STPG2: variants seen among roughly 807,000 people sequenced by gnomAD.
STPG2 encodes the protein sperm tail PG-rich repeat containing 2.
STPG2 carries 56 observed loss-of-function variants against 54.2 expected under a neutral mutation model. The observed-to-expected ratio is 1.03, with a 90% CI of 0.83 to 1.29. STPG2 has a LOEUF of 1.29. Among genes scored for constraint, STPG2 ranks in the 50% most tolerant of loss-of-function variants. The pLI, the probability that STPG2 is intolerant of heterozygous loss-of-function variation, is 0.00. For missense variants in STPG2, 596 were observed against 544.9 expected (o/e 1.09, Z -0.93); for synonymous variants, 200 against 181.8 (o/e 1.10, Z -0.81).
intron 8 of STPG2, among the ~76,000 whole-genome samples, chr4:97,847,360 G>C (rs1344024345): frequency 6.6e-6 from 1 of 152,010 alleles, no homozygotes; most frequent in Non-Finnish European, 1.5e-5. Context: ...AAAGGAATGT[G>C]TTATTTTGAT....
intron 4 of STPG2, chr4:97,463,647 A>C (rs1485113690): frequency 6.6e-6 from 1 of 152,060 alleles, no homozygotes; most frequent in Admixed American, 6.6e-5. Context: ...ATGGAGTTTC[A>C]CCATGTTGGC....
chr4:97,704,871 A>T (rs575407026), intron 10 of STPG2, among the ~76,000 whole-genome samples: 21 of 152,320 alleles, frequency 1.4e-4, no homozygotes, highest in African/African-American at 5.0e-4. Context: ...AGAAACTGTC[A>T]TTCAATATTA....
chr4:97,822,571 T>C (rs1394746841), intron 9 of STPG2, among the ~76,000 whole-genome samples: 1 of 152,198 alleles, frequency 6.6e-6, no homozygotes, highest in Non-Finnish European at 1.5e-5. Flanking sequence ...GGGTAATACA[T>C]AAAAAGGCTT....
intron 10 of STPG2, among the ~76,000 whole-genome samples, chr4:97,611,853 AAG>A (rs1367216499): frequency 6.6e-6 from 1 of 151,906 alleles, no homozygotes; most frequent in African/African-American, 2.4e-5. Flanking sequence ...TAATATTAAA[AAG>A]AGGAGAAAAT....
At chr4:98,036,989 T>G (rs1361493247) in intron 5 of STPG2, among the ~76,000 whole-genome samples, 1 of 151,960 alleles carries the variant, frequency 6.6e-6, no homozygotes. Context: ...AAAATTAACT[T>G]TAAAAAATAG....
At chr4:98,040,272 T>C (rs1736909105) in intron 5 of STPG2, among the ~76,000 whole-genome samples, 1 of 151,922 alleles carries the variant, frequency 6.6e-6, no homozygotes, top group Non-Finnish European at 1.5e-5. Context: ...CTGCAAGTTG[T>C]CTGTTCACTC....
At chr4:97,592,897 C>G (rs770861032) in intron 10 of STPG2, among the ~76,000 whole-genome samples, 1 of 152,120 alleles carries the variant, frequency 6.6e-6, no homozygotes, top group Non-Finnish European at 1.5e-5. Context: ...AGGACTCCAG[C>G]CTCTGTAGAG....
At chr4:97,561,380 T>C (rs562262559) in intron 10 of STPG2, among the ~76,000 whole-genome samples, 8 of 152,354 alleles carry the variant, frequency 5.3e-5, no homozygotes, top group African/African-American at 1.9e-4. Context: ...GCGAAAATTT[T>C]CTCCCATTTT....
rs1739892270 is a variant in STPG2 at position 98,128,480 on chromosome 4, A to G, written c.335T>C (p.Phe112Ser). 3.7e-6 allele frequency: 6 copies of G among 1,613,668 alleles called. No homozygotes were observed. In the African/African-American group the frequency reaches 4.0e-5, roughly 11 times the overall value. The change falls in exon 3 of 11, where the codon TTT becomes TCT. Residue 112 changes from phenylalanine to serine, a missense_variant. Coordinates refer to ENST00000295268, the MANE Select transcript of STPG2 (RefSeq NM_174952.3). Reference sequence around the variant, plus strand: ...AAGTGTACTGTCACAAGCAGGTGGAAAACATTTTATAATACTGCCATCATC... The same window carrying G: ...AAGTGTACTGTCACAAGCAGGTGGAGAACATTTTATAATACTGCCATCATC... ...INDDGSIIKC[F>S]PPACDSTLGP...
intron 7 of STPG2, among the ~76,000 whole-genome samples, chr4:97,949,387 A>G (rs1194059069): frequency 6.6e-6 from 1 of 152,072 alleles, no homozygotes; most frequent in Non-Finnish European, 1.5e-5. Context: ...CAATCTGTAT[A>G]TTTTAAGTGG....
At chr4:97,490,649 A>T (rs907877484) in intron 4 of STPG2, among the ~76,000 whole-genome samples, 2 of 151,640 alleles carry the variant, frequency 1.3e-5, no homozygotes, top group Admixed American at 6.6e-5. Flanking sequence ...GTTCACAGTT[A>T]AAGTACTGTC....
intron 5 of STPG2, among the ~76,000 whole-genome samples, chr4:97,986,801 T>C (rs1734844820): frequency 6.6e-6 from 1 of 152,218 alleles, no homozygotes; most frequent in Non-Finnish European, 1.5e-5. Flanking sequence ...TTTCTTCTTA[T>C]AACCTTTAAA....
At chr4:97,564,445 T>C (rs1200355358) in intron 10 of STPG2, among the ~76,000 whole-genome samples, 1 of 152,182 alleles carries the variant, frequency 6.6e-6, no homozygotes, top group African/African-American at 2.4e-5. Context: ...TTAAAGTTAA[T>C]ATTGTTATGT....
intron 5 of STPG2, among the ~76,000 whole-genome samples, chr4:98,032,679 C>T (rs781238347): frequency 1.3e-4 from 20 of 152,076 alleles, no homozygotes; most frequent in Admixed American, 2.0e-4. Flanking sequence ...CTAAAATTGA[C>T]CACATAATTG....
chr4:98,090,016 G>C (rs1348901410), intron 5 of STPG2, among the ~76,000 whole-genome samples: 1 of 152,036 alleles, frequency 6.6e-6, no homozygotes, highest in African/African-American at 2.4e-5. Context: ...TTACTCTGCT[G>C]ATTATTTCTT....
chr4:97,864,793 C>A (rs759965499), intron 8 of STPG2, among the ~76,000 whole-genome samples: 1 of 152,042 alleles, frequency 6.6e-6, no homozygotes, highest in East Asian at 1.9e-4. Flanking sequence ...TACCACACAT[C>A]TACAACTATC....
intron 7 of STPG2, among the ~76,000 whole-genome samples, chr4:97,947,128 A>C (rs896031662): frequency 6.6e-6 from 1 of 151,744 alleles, no homozygotes; most frequent in African/African-American, 2.4e-5. Context: ...ATATTCCAGG[A>C]TATTTTATCT....
chr4:97,911,507 T>C (rs1278416114), intron 8 of STPG2, among the ~76,000 whole-genome samples: 1 of 152,060 alleles, frequency 6.6e-6, no homozygotes, highest in African/African-American at 2.4e-5. Context: ...CTGCAGCTCC[T>C]GGAAGTCTGG....
At chr4:97,904,812 A>G (rs185917536) in intron 8 of STPG2, among the ~76,000 whole-genome samples, 491 of 152,364 alleles carry the variant, frequency 3.2e-3, no homozygotes, top group Non-Finnish European at 5.5e-3. Context: ...TGAAGAATGC[A>G]GAAGGCTCAG....
Sources: allele counts gnomAD v4.1 joint callset (sites outside exome capture counted in the v4.1 genomes callset), GRCh38; gene constraint gnomAD v4.1.1; transcripts MANE v1.5; gene names NCBI Gene and HGNC (gene_info 2026-07-23, HGNC 2026-07-21).